Variants in PEX14 observed in about 807,000 individuals in gnomAD.
PEX14 encodes peroxisomal biogenesis factor 14, also known as peroxisomal membrane protein PEX14.
In PEX14, 15 loss-of-function variants were observed where a neutral mutation model predicts 49.5. That is an observed-to-expected ratio of 0.30 (90% CI 0.20 to 0.47). The LOEUF is 0.47. Ranked by LOEUF, PEX14 falls within the 20% of genes least tolerant of loss-of-function variation. The pLI, the probability that PEX14 is intolerant of heterozygous loss-of-function variation, is 1.00. For synonymous variants in PEX14, 210 were observed against 212.7 expected (o/e 0.99, Z 0.11); for missense variants, 398 against 494.8 (o/e 0.80, Z 1.86).
intron 3 of PEX14, among the ~76,000 whole-genome samples, chr1:10,558,874 A>G (rs1323217957): frequency 6.6e-6 from 1 of 152,066 alleles, no homozygotes; most frequent in African/African-American, 2.4e-5. Context: ...ATGGTTTTGT[A>G]CAGTTCTTGC....
intron 2 of PEX14, among the ~76,000 whole-genome samples, chr1:10,528,670 T>C (rs1484694259): frequency 6.6e-6 from 1 of 152,140 alleles, no homozygotes; most frequent in African/African-American, 2.4e-5. Flanking sequence ...AGAGGAATAT[T>C]GAAAATATAA....
intron 3 of PEX14, among the ~76,000 whole-genome samples, chr1:10,580,544 C>T (rs955706436): frequency 2.6e-5 from 4 of 152,024 alleles, no homozygotes; most frequent in East Asian, 1.9e-4. Flanking sequence ...CCACTGCACC[C>T]GGCCAAGATT....
intron 3 of PEX14, among the ~76,000 whole-genome samples, chr1:10,572,905 A>G (rs1276969837): frequency 1.3e-5 from 2 of 152,316 alleles, no homozygotes; most frequent in South Asian, 2.1e-4. Flanking sequence ...GTACCTACAC[A>G]GACCTGGAGG....
At chr1:10,476,527 GTC>G (rs1023751978) in intron 1 of PEX14, among the ~76,000 whole-genome samples, 4 of 152,168 alleles carry the variant, frequency 2.6e-5, no homozygotes, top group Admixed American at 6.6e-5. Context: ...TTAAGACGGA[GTC>G]TCTCTCTGTC....
At chr1:10,524,594 C>T (rs1278379418) in intron 2 of PEX14, 1 of 157,434 alleles carries the variant, frequency 6.4e-6, no homozygotes, top group African/African-American at 2.4e-5. Flanking sequence ...TAAAGACCCT[C>T]CTTTTCATCT....
intron 3 of PEX14, among the ~76,000 whole-genome samples, chr1:10,568,169 C>T (rs1162596869): frequency 6.6e-6 from 1 of 152,110 alleles, no homozygotes; most frequent in African/African-American, 2.4e-5. Context: ...TGTCCAGTTG[C>T]ATCAGCAAAT....
chr1:10,518,049 C>T (rs1350661178), intron 2 of PEX14, among the ~76,000 whole-genome samples: 1 of 152,008 alleles, frequency 6.6e-6, no homozygotes, highest in Non-Finnish European at 1.5e-5. Context: ...AAATTTCAGA[C>T]CTTTATGGGA....
chr1:10,496,030 G>C (rs920079288), intron 2 of PEX14, among the ~76,000 whole-genome samples: 1 of 152,208 alleles, frequency 6.6e-6, no homozygotes, highest in Non-Finnish European at 1.5e-5. Context: ...CCTGCGTAGC[G>C]ATAGCAGGCG....
In PEX14 at chr1:10,628,449, G is replaced by A. The variant is rs1312058912; in HGVS notation, c.678-1082G>A. Reference sequence around the variant, plus strand: ...AGGATGGGGTGCAGAGGGGTCTTGCGGCTCCAGCCAGAAGACCCCATTTTC... The same window carrying A: ...AGGATGGGGTGCAGAGGGGTCTTGCAGCTCCAGCCAGAAGACCCCATTTTC... On this transcript the variant is annotated intron_variant, in intron 8 of 8. Transcript: ENST00000356607. This position sits in a 1 kb window ranked among gnomAD's most constrained non-coding sequence, Gnocchi z 4.5. 3.3e-5 allele frequency among the ~76,000 whole-genome samples: 5 copies of A among 152,208 alleles called. No homozygotes were observed. Among genetic ancestry groups the A allele is most frequent in the African/African-American group, 7.2e-5 (3 of 41,450 alleles).
At position 10,629,090 on chromosome 1, in the gene PEX14, GACAAA is replaced by G. The variant is rs1641833324; in HGVS notation, c.678-440_678-436del. 6.6e-6 allele frequency among the ~76,000 whole-genome samples: 1 copy of G among 152,232 alleles called. No individual in the cohort carries two copies. The highest frequency in any genetic ancestry group is 1.5e-5 in the Non-Finnish European group (1 of 68,036). On this transcript the variant is annotated intron_variant, in intron 8 of 8. Transcript: ENST00000356607. The surrounding 1 kb of genome is among the most constrained non-coding windows in gnomAD (Gnocchi z 8.5). The stretch of plus-strand genomic sequence containing the variant: ...GCCTCCACCTTTTGCTCAGGCCATA[GACAAA>G]TGAGGACTGTGGCTCAGGTGTCTGG...
In PEX14 at chr1:10,599,278, G is replaced by A. The variant is rs755185539; in HGVS notation, c.210G>A (p.Ser70=). The change falls in exon 4 of 9, where the codon TCG becomes TCA. Residue 70 remains serine, a synonymous_variant. Coordinates refer to ENST00000356607, the MANE Select transcript of PEX14 (RefSeq NM_004565.3). ...DEEIDMAFQQ[S]GTAADEPSSL... ...AGATTGATATGGCCTTCCAGCAGTCGGGCACTGCTGCCGATGAGCCTTCGT... is the reference window on the plus strand; with the variant it reads ...AGATTGATATGGCCTTCCAGCAGTCAGGCACTGCTGCCGATGAGCCTTCGT... The A allele has an allele frequency of 2.0e-5, 32 of 1,613,308 alleles. No homozygotes were observed. The highest frequency in any genetic ancestry group is 2.5e-5 in the Non-Finnish European group (29 of 1,179,420).
Position 10,494,767 on chromosome 1 carries a change from C to G in PEX14, c.37-507C>G, listed in dbSNP as rs932456734. ...AATAGGAACCTGTGTAGTTTACTGG[C>G]TTCTGGGCTCCAGAAACTAGATGCC... On this transcript the variant is annotated intron_variant, in intron 1 of 8. Transcript: ENST00000356607. The surrounding 1 kb of genome is among the most constrained non-coding windows in gnomAD (Gnocchi z 4.3). Among the ~76,000 whole-genome samples the G allele has an allele frequency of 1.3e-5, 2 of 152,216 alleles. No homozygotes were observed. The highest frequency in any genetic ancestry group is 2.4e-5 in the African/African-American group (1 of 41,454).
intron 3 of PEX14, among the ~76,000 whole-genome samples, chr1:10,548,359 T>C (rs1639235183): frequency 6.6e-6 from 1 of 152,216 alleles, no homozygotes; most frequent in Non-Finnish European, 1.5e-5. Context: ...ATATGCGGGC[T>C]TATTGGAACT....
chr1:10,485,588 G>A (rs1641354168), intron 1 of PEX14, among the ~76,000 whole-genome samples: 1 of 151,394 alleles, frequency 6.6e-6, no homozygotes, highest in South Asian at 2.1e-4. Flanking sequence ...CAAAGTGCTG[G>A]AAGTACAGGC....
intron 3 of PEX14, among the ~76,000 whole-genome samples, chr1:10,576,860 G>C (rs1397516620): frequency 6.6e-6 from 1 of 151,430 alleles, no homozygotes; most frequent in Non-Finnish European, 1.5e-5. Context: ...AGGTTCAAGT[G>C]ATTCTCCTGC....
rs985087407 is a variant in PEX14, at chr1:10,629,442, G to A, written c.678-89G>A. 7.5e-5 allele frequency: 66 copies of A among 885,010 alleles called. No individual in the cohort carries two copies. The highest frequency in any genetic ancestry group is 1.1e-4 in the Non-Finnish European group (59 of 536,232). The allele number at this position is 885,010 out of a possible 1,614,324, so 54.8% of individuals were successfully genotyped here. A position where few individuals can be genotyped will look rare whatever the true frequency, so the allele number is the denominator to read the frequency against. On this transcript the variant is annotated intron_variant, in intron 8 of 8. Coordinates refer to ENST00000356607, the MANE Select transcript of PEX14 (RefSeq NM_004565.3). The surrounding 1 kb of genome is among the most constrained non-coding windows in gnomAD (Gnocchi z 8.5). ...CCTGGGGGAGCAGCTCACCATCGCC[G>A]AGCCCTTGCGGGTCAGGGAAGGCGT...
intron 1 of PEX14, among the ~76,000 whole-genome samples, chr1:10,483,903 T>C (rs1217324567): frequency 6.9e-6 from 1 of 145,346 alleles, no homozygotes; most frequent in South Asian, 2.2e-4. Flanking sequence ...TAGAGTATAT[T>C]TGTCCCTCCT....
At chr1:10,583,357 C>T (rs1040103674) in intron 3 of PEX14, among the ~76,000 whole-genome samples, 9 of 148,088 alleles carry the variant, frequency 6.1e-5, no homozygotes, top group Non-Finnish European at 1.5e-5. Flanking sequence ...GTAGCTGAGA[C>T]TACAAATATA....
chr1:10,517,445 A>C (rs1376673016), intron 2 of PEX14, among the ~76,000 whole-genome samples: 1 of 152,052 alleles, frequency 6.6e-6, no homozygotes, highest in Non-Finnish European at 1.5e-5. Flanking sequence ...CAGGCTCATT[A>C]ATTAAAGGAG....
Sources: allele counts gnomAD v4.1 joint callset (sites outside exome capture counted in the v4.1 genomes callset), GRCh38; gene constraint gnomAD v4.1.1; non-coding constraint Gnocchi (gnomAD v3.1); transcripts MANE v1.5; gene names NCBI Gene and HGNC (gene_info 2026-07-23, HGNC 2026-07-21).